The following KLHL1 variants were observed in gnomAD, a reference collection of about 807,000 sequenced individuals.
KLHL1 encodes the protein kelch like family member 1, also known as kelch-like protein 1.
A neutral mutation model predicts 77.7 loss-of-function variants in KLHL1; 47 were observed. That is an observed-to-expected ratio of 0.60 (90% CI 0.48 to 0.77). The LOEUF is 0.77. KLHL1 is among the 30% of genes least tolerant of loss of function. KLHL1 has a pLI of 0.00. For synonymous variants in KLHL1, 360 were observed against 325.2 expected, an observed-to-expected ratio of 1.11 and a Z score of -1.15; for missense variants, 925 against 910.8, an observed-to-expected ratio of 1.02 and a Z score of -0.20.
chr13:70,087,649 T>C (rs1051716096), intron 1 of KLHL1, among the ~76,000 whole-genome samples: 1 of 143,272 alleles, frequency 7.0e-6, no homozygotes, highest in African/African-American at 2.9e-5. Context: ...ACTGTTTCTT[T>C]TCAGATATCC....
At chr13:70,016,401 T>A (rs1200807621) in intron 1 of KLHL1, among the ~76,000 whole-genome samples, 1 of 152,342 alleles carries the variant, frequency 6.6e-6, no homozygotes, top group South Asian at 2.1e-4. Context: ...CCATGCACTC[T>A]TGGGGGCCCA....
chr13:70,004,411 C>T (rs1283100037), intron 1 of KLHL1, among the ~76,000 whole-genome samples: 1 of 151,822 alleles, frequency 6.6e-6, no homozygotes, highest in African/African-American at 2.4e-5. Flanking sequence ...TAGCTATGTC[C>T]TGACCCTTTC....
At chr13:70,040,888 C>A (rs1160213300) in intron 1 of KLHL1, among the ~76,000 whole-genome samples, 1 of 152,100 alleles carries the variant, frequency 6.6e-6, no homozygotes, top group African/African-American at 2.4e-5. Flanking sequence ...TTCATTGTAT[C>A]CTACATGTCC....
At chr13:69,912,212 C>CA (rs1388160044) in intron 4 of KLHL1, among the ~76,000 whole-genome samples, 3 of 152,252 alleles carry the variant, frequency 2.0e-5, no homozygotes, top group African/African-American at 7.2e-5. Flanking sequence ...TTTGCCATGT[C>CA]AACAGAGTGG....
intron 1 of KLHL1, 82 bp from the exon 2 acceptor site, chr13:69,975,884 G>T: frequency 2.9e-6 from 4 of 1,388,832 alleles, no homozygotes; most frequent in Admixed American, 3.2e-5. Flanking sequence ...TAACATACAG[G>T]TTTTTATCAT....
At chr13:70,062,005 A>G (rs955625461) in intron 1 of KLHL1, among the ~76,000 whole-genome samples, 3 of 152,188 alleles carry the variant, frequency 2.0e-5, no homozygotes, top group Non-Finnish European at 2.9e-5. Flanking sequence ...AAAGTTAGCC[A>G]TATTCACCCT....
In KLHL1 at chr13:69,940,226, T is replaced by G. The variant is rs763134553; in HGVS notation, c.828A>C (p.Glu276Asp). ...GGTTCTCAATGGTGTCCTCTTTTAA[T>G]TCCAAGCAGCCTAAACATAAGCAAA... Reference protein sequence around the residue: ...LVQFAYTGCLELKEDTIENLL... With the variant: ...LVQFAYTGCLDLKEDTIENLL... Residue 276 changes from glutamate (E) to aspartate (D), a missense_variant, in exon 4 of 11, where the codon GAA (glutamate) becomes GAC (aspartate). Physicochemically the swap from Glu to Asp is conservative, Grantham distance 45. Coordinates refer to ENST00000377844, the MANE Select transcript of KLHL1 (RefSeq NM_020866.3). The G allele has an allele frequency of 3.1e-6, 5 of 1,605,964 alleles. No homozygotes were observed. The highest frequency in any genetic ancestry group is 4.2e-6 in the Non-Finnish European group (5 of 1,177,292).
chr13:69,822,836 T>C (rs1878391532), intron 6 of KLHL1, among the ~76,000 whole-genome samples: 1 of 152,174 alleles, frequency 6.6e-6, no homozygotes, highest in Non-Finnish European at 1.5e-5. Context: ...TAAATTGATA[T>C]TGATATTAAA....
At chr13:70,001,463 C>T (rs894989247) in intron 1 of KLHL1, among the ~76,000 whole-genome samples, 2 of 150,934 alleles carry the variant, frequency 1.3e-5, no homozygotes, top group Non-Finnish European at 1.5e-5. Context: ...TAAGCTAAAT[C>T]GCACATATAA....
chr13:70,027,859 C>T (rs1444023750), intron 1 of KLHL1, among the ~76,000 whole-genome samples: 1 of 151,988 alleles, frequency 6.6e-6, no homozygotes, highest in African/African-American at 2.4e-5. Flanking sequence ...GGAGCCACTC[C>T]ATGCACAGTT....
intron 4 of KLHL1, among the ~76,000 whole-genome samples, chr13:69,895,711 T>C (rs76498099): frequency 4.7e-5 from 3 of 63,876 alleles, no homozygotes; most frequent in Admixed American, 2.5e-4. Flanking sequence ...CTTTCTTTTT[T>C]CCTTTTTTTT....
At chr13:70,101,594 A>G (rs1887925049) in intron 1 of KLHL1, among the ~76,000 whole-genome samples, 1 of 151,946 alleles carries the variant, frequency 6.6e-6, no homozygotes, top group South Asian at 2.1e-4. Context: ...ACGCTTGGCT[A>G]ATTTTTGTAT....
chr13:69,777,359 C>T (rs1037032977), intron 7 of KLHL1, among the ~76,000 whole-genome samples: 5 of 152,042 alleles, frequency 3.3e-5, no homozygotes, highest in African/African-American at 1.2e-4. Flanking sequence ...TAGGGCCAGA[C>T]ATAGACAAGA....
At chr13:70,102,582 T>C (rs1034019469) in intron 1 of KLHL1, among the ~76,000 whole-genome samples, 2 of 152,116 alleles carry the variant, frequency 1.3e-5, no homozygotes, top group African/African-American at 2.4e-5. Flanking sequence ...TGTCTAAGCA[T>C]AGAGAAATAA....
At chr13:70,036,040 TAC>T (rs1470910152) in intron 1 of KLHL1, among the ~76,000 whole-genome samples, 1 of 151,972 alleles carries the variant, frequency 6.6e-6, no homozygotes, top group Non-Finnish European at 1.5e-5. Flanking sequence ...TTTCAGTGAT[TAC>T]ACAGAATCTT....
At chr13:69,990,458 A>G (rs1279535148) in intron 1 of KLHL1, among the ~76,000 whole-genome samples, 1 of 152,048 alleles carries the variant, frequency 6.6e-6, no homozygotes, top group Non-Finnish European at 1.5e-5. Flanking sequence ...TAATCTCAAA[A>G]TAAAGGGATG....
intron 6 of KLHL1, among the ~76,000 whole-genome samples, chr13:69,815,356 T>C (rs962164133): frequency 1.3e-5 from 2 of 152,236 alleles, no homozygotes; most frequent in Admixed American, 6.5e-5. Flanking sequence ...ATATACACCA[T>C]GGACTACTAT....
intron 5 of KLHL1, among the ~76,000 whole-genome samples, chr13:69,846,479 C>A (rs929328408): frequency 6.6e-6 from 1 of 151,448 alleles, no homozygotes; most frequent in African/African-American, 2.4e-5. Flanking sequence ...AGCATTCCAG[C>A]TGCCAGAAAT....
intron 1 of KLHL1, among the ~76,000 whole-genome samples, chr13:70,096,599 C>T (rs2137448761): frequency 6.7e-6 from 1 of 149,704 alleles, no homozygotes; most frequent in African/African-American, 2.4e-5. Context: ...TTTATTTTTT[C>T]CTATCGAGTT....
Sources: allele counts gnomAD v4.1 joint callset (sites outside exome capture counted in the v4.1 genomes callset), GRCh38; gene constraint gnomAD v4.1.1; transcripts MANE v1.5; gene names NCBI Gene and HGNC (gene_info 2026-07-23, HGNC 2026-07-21).